EXOC1: variants seen among roughly 807,000 people sequenced by gnomAD.
EXOC1 encodes SEC3-like 1.
EXOC1 carries 67 observed loss-of-function variants against 107.7 expected under a neutral mutation model. The observed-to-expected ratio is 0.62, with a 90% confidence interval of 0.51 to 0.76. The LOEUF (loss-of-function observed/expected upper bound fraction) is 0.76. Ranked by LOEUF, EXOC1 falls within the 30% of genes least tolerant of loss-of-function variation. The pLI, the probability that EXOC1 is intolerant of heterozygous loss-of-function variation, is 0.00. For synonymous variants in EXOC1, 348 were observed against 353.5 expected, an observed-to-expected ratio of 0.98 and a Z score of 0.17; for missense variants, 833 against 1,055.7, an observed-to-expected ratio of 0.79 and a Z score of 2.92.
chr4:55,879,796 C>G (rs1428320773), intron 9 of EXOC1, among the ~76,000 whole-genome samples: 1 of 152,046 alleles, frequency 6.6e-6, no homozygotes, highest in Admixed American at 6.5e-5. Flanking sequence ...TATTAAAATT[C>G]TGAAATACTC....
At chr4:55,896,191 C>T (rs1184773296) in intron 15 of EXOC1, among the ~76,000 whole-genome samples, 1 of 152,104 alleles carries the variant, frequency 6.6e-6, no homozygotes, top group African/African-American at 2.4e-5. Context: ...GCTCTGTCAC[C>T]CAGGCTGGAG....
chr4:55,866,815 C>T (rs369784508), intron 4 of EXOC1: 2 of 962,440 alleles, frequency 2.1e-6, no homozygotes, highest in Non-Finnish European at 2.5e-6. Flanking sequence ...ACTTTTCTAC[C>T]CAGCTAATAT....
At chr4:55,895,989 A>C (rs943564584) in intron 15 of EXOC1, among the ~76,000 whole-genome samples, 2 of 152,120 alleles carry the variant, frequency 1.3e-5, no homozygotes, top group African/African-American at 4.8e-5. Context: ...CACCAACCAG[A>C]AGTTACCCGG....
At chr4:55,871,805 C>G in intron 7 of EXOC1, 44 bp from the exon 8 acceptor site, 1 of 1,553,388 alleles carries the variant, frequency 6.4e-7, no homozygotes, top group Admixed American at 1.8e-5. Context: ...TCAAGGAAAT[C>G]TTTTTACCCA....
At chr4:55,876,058 A>C in intron 8 of EXOC1, 1 of 984,836 alleles carries the variant, frequency 1.0e-6, no homozygotes, top group Non-Finnish European at 1.2e-6. Flanking sequence ...TCTGTAATAG[A>C]ATGTTTATAT....
Position 55,855,904 on chromosome 4 carries a change from T to C in EXOC1, c.-11+1951T>C, listed in dbSNP as rs190387848. ...TATAATAAGCCAAAAGGAGGAGAGG[T>C]TGGGTGAAGGTGTGGAGAGACGGAG... On this transcript the variant is annotated intron_variant, in intron 1 of 18. Transcript: ENST00000381295. Among the ~76,000 whole-genome samples, 7 of 151,504 alleles carry C rather than the reference T, an allele frequency of 4.6e-5. No individual in the cohort carries two copies. The East Asian group carries it at 1.4e-3, about 29-fold the overall frequency.
At chr4:55,868,135 T>A (rs533822011) in intron 4 of EXOC1, among the ~76,000 whole-genome samples, 3 of 152,304 alleles carry the variant, frequency 2.0e-5, no homozygotes, top group African/African-American at 7.2e-5. Flanking sequence ...TTTTTATTTA[T>A]TTTTTAGAAC....
In EXOC1 at chr4:55,894,703, A is replaced by G. The variant is rs529560103; in HGVS notation, c.1953+923A>G. On this transcript the variant is annotated intron_variant, in intron 15 of 18. Coordinates refer to ENST00000381295, the MANE Select transcript of EXOC1 (RefSeq NM_001024924.2). ...AACAGTGCAATCTCGGCTCACCGCA[A>G]CCTCCGCCTCCTGGGTTCAAGTGAT... Among the ~76,000 whole-genome samples the G allele has an allele frequency of 2.9e-5, 4 of 138,030 alleles. No individual in the cohort carries two copies. The South Asian group carries it at 9.8e-4, about 34-fold the overall frequency. 90.6% of individuals were successfully genotyped at this position (138,030 alleles called of 152,430 possible).
chr4:55,877,831 C>A (rs1373928136), intron 8 of EXOC1, 86 bp from the exon 9 acceptor site: 9 of 1,548,214 alleles, frequency 5.8e-6, no homozygotes, highest in Non-Finnish European at 7.8e-6. Flanking sequence ...TTGGCTTGGC[C>A]ACATTTTGGT....
Position 55,896,914 on chromosome 4 carries a change from AT to A in EXOC1, c.2137+15del. The A allele has an allele frequency of 6.3e-7, 1 of 1,574,816 alleles. No homozygotes were observed. Among genetic ancestry groups the A allele is most frequent in the Admixed American group, 2.0e-5 (1 of 49,218 alleles). ...TATTTGTTAATGGTAAGCTTTTGTTATGTTCTAAAGAATTGTTATAGCTATT... is the reference window on the plus strand; with the variant it reads ...TATTTGTTAATGGTAAGCTTTTGTTAGTTCTAAAGAATTGTTATAGCTATT... On this transcript the variant is annotated intron_variant, in intron 16 of 18. Transcript: ENST00000381295.
At chr4:55,891,166 T>C in intron 12 of EXOC1, 149 bp from the exon 13 acceptor site, 1 of 596,716 alleles carries the variant, frequency 1.7e-6, no homozygotes, top group Non-Finnish European at 3.0e-6. Context: ...TGGAAGAGTT[T>C]GTTTTTGGGA....
At chr4:55,876,966 A>G in intron 8 of EXOC1, 1 of 985,360 alleles carries the variant, frequency 1.0e-6, no homozygotes. Context: ...TTTCTTTCTC[A>G]GTTACCAAGG....
rs141149284 is a variant in EXOC1, at chr4:55,869,246, G to A, written c.603+723G>A. 2.7e-3 allele frequency among the ~76,000 whole-genome samples: 409 copies of A among 152,094 alleles called. 4 individuals are homozygous for A. Among genetic ancestry groups the A allele is most frequent in the African/African-American group, 9.5e-3 (395 of 41,490 alleles). On this transcript the variant is annotated intron_variant, in intron 5 of 18. Transcript: ENST00000381295. ...CCAGACATGGTGGCATGCTCCTGTGGTCCCAGCTACTTGGGAGGCTGAGGC... is the reference window on the plus strand; with the variant it reads ...CCAGACATGGTGGCATGCTCCTGTGATCCCAGCTACTTGGGAGGCTGAGGC...
At chr4:55,893,511 G>C (rs1467372758) in intron 14 of EXOC1, 41 bp from the exon 15 acceptor site, 3 of 1,557,356 alleles carry the variant, frequency 1.9e-6, no homozygotes, top group Non-Finnish European at 2.6e-6. Context: ...TTCACCTGAA[G>C]CTTGTTATAA....
intron 8 of EXOC1, chr4:55,877,637 C>T (rs1723022491): frequency 5.1e-6 from 5 of 985,160 alleles, no homozygotes; most frequent in Non-Finnish European, 6.0e-6. Flanking sequence ...TTAAAACGTT[C>T]CATCTTCATT....
chr4:55,859,861 G>A (rs553950785), intron 2 of EXOC1, among the ~76,000 whole-genome samples: 2 of 152,146 alleles, frequency 1.3e-5, no homozygotes, highest in Non-Finnish European at 2.9e-5. Flanking sequence ...ATGATAAATT[G>A]ACTTTTTAGA....
intron 4 of EXOC1, among the ~76,000 whole-genome samples, chr4:55,865,167 C>A (rs1429832561): frequency 3.9e-5 from 6 of 152,212 alleles, no homozygotes; most frequent in Non-Finnish European, 2.9e-5. Context: ...AGTATAAAAT[C>A]CTTAGACATG....
At chr4:55,892,107 A>C (rs1300358227) in intron 13 of EXOC1, among the ~76,000 whole-genome samples, 1 of 152,244 alleles carries the variant, frequency 6.6e-6, no homozygotes, top group Non-Finnish European at 1.5e-5. Flanking sequence ...GCAGTCATAA[A>C]ATAAATGAGA....
In EXOC1 at chr4:55,860,477, A is replaced by G. The variant is rs1057420927; in HGVS notation, c.191A>G (p.Tyr64Cys). Residue 64 changes from tyrosine (Y) to cysteine (C), a missense_variant, in exon 3 of 19, where the codon TAC (tyrosine) becomes TGC (cysteine). This residue lies in a region of EXOC1 where 617 missense variants were observed against 701.3 expected (regional missense o/e 0.88). Coordinates refer to ENST00000381295, the MANE Select transcript of EXOC1 (RefSeq NM_001024924.2). Reference sequence around the variant, plus strand: ...AAGAAATCCGATAAGGGAGATTTCTACAAAAGGCAGATTGCATGGGCCCTT... The same window carrying G: ...AAGAAATCCGATAAGGGAGATTTCTGCAAAAGGCAGATTGCATGGGCCCTT... ...KVKKSDKGDF[Y>C]KRQIAWALRD... The G allele has an allele frequency of 3.1e-6, 5 of 1,614,022 alleles. No homozygotes were observed. The highest frequency in any genetic ancestry group is 4.2e-6 in the Non-Finnish European group (5 of 1,179,980).
Sources: gnomAD v4.1 joint callset for allele counts (sites outside exome capture counted in the v4.1 genomes callset) on GRCh38, gnomAD v4.1.1 for gene constraint, gnomAD v4.1.1 regional missense constraint, MANE v1.5 for transcripts, NCBI Gene and HGNC (gene_info 2026-07-23, HGNC 2026-07-21) for gene names.